The following COG5 variants were observed in gnomAD, a reference collection of about 807,000 sequenced individuals.
COG5 encodes conserved oligomeric Golgi complex subunit 5.
COG5 carries 86 observed loss-of-function variants against 110.4 expected under a neutral mutation model. The ratio of observed to expected loss-of-function variants is 0.78; its 90% CI spans 0.65 to 0.93. The LOEUF is 0.93. Among genes scored for constraint, COG5 ranks in the 40% least tolerant of loss-of-function variants. The probability of loss-of-function intolerance (pLI) is 0.00; values close to 1 mark genes in which losing one functional copy is unlikely to be tolerated. For missense variants in COG5, 1,077 were observed against 987.0 expected, an observed-to-expected ratio of 1.09 and a Z score of -1.22; for synonymous variants, 360 against 334.6, an observed-to-expected ratio of 1.08 and a Z score of -0.83.
chr7:107,208,211 A>C (rs189017923), intron 21 of COG5: 1 of 985,452 alleles, frequency 1.0e-6, no homozygotes, highest in Admixed American at 6.1e-5. Flanking sequence ...TGCTAAGGGC[A>C]TGAAGGTTCT....
At chr7:107,358,449 A>G (rs796273352) in intron 10 of COG5, among the ~76,000 whole-genome samples, 4 of 152,334 alleles carry the variant, frequency 2.6e-5, no homozygotes, top group African/African-American at 9.6e-5. Context: ...TGTTTCTTTC[A>G]CACAATTGAA....
At chr7:107,234,130 C>G (rs184118674) in intron 18 of COG5, among the ~76,000 whole-genome samples, 232 of 152,300 alleles carry the variant, frequency 1.5e-3, no homozygotes, top group Non-Finnish European at 2.0e-3. Flanking sequence ...GAAACTGGGA[C>G]ACACTGTACA....
Position 107,372,094 on chromosome 7 carries a change from T to G in COG5, c.835+501A>C, listed in dbSNP as rs897569767. Among the ~76,000 whole-genome samples, 4 of 152,224 alleles carry G rather than the reference T, an allele frequency of 2.6e-5. No homozygotes were observed. The East Asian group carries it at 7.7e-4, about 29-fold the overall frequency. Reference sequence around the variant, plus strand: ...CCTCTCTACCTTGAATTTACCATCCTTTAATAGTTTTCTTTAGACTTTACT... The same window carrying G: ...CCTCTCTACCTTGAATTTACCATCCGTTAATAGTTTTCTTTAGACTTTACT... On this transcript the variant is annotated intron_variant, in intron 8 of 21. Coordinates refer to ENST00000297135, the MANE Select transcript of COG5 (RefSeq NM_006348.5).
chr7:107,413,836 G>C (rs969293546), intron 6 of COG5, among the ~76,000 whole-genome samples: 1 of 152,056 alleles, frequency 6.6e-6, no homozygotes, highest in Non-Finnish European at 1.5e-5. Flanking sequence ...TAATGCATCT[G>C]TTATTTGTAA....
chr7:107,512,706 C>T (rs373672801), intron 6 of COG5, among the ~76,000 whole-genome samples: 1 of 152,106 alleles, frequency 6.6e-6, no homozygotes, highest in Non-Finnish European at 1.5e-5. Flanking sequence ...GAGGTATAGA[C>T]CAATGGAACA....
chr7:107,312,267 A>G (rs931790264), intron 11 of COG5, among the ~76,000 whole-genome samples: 1 of 152,190 alleles, frequency 6.6e-6, no homozygotes. Flanking sequence ...TAAATATTTA[A>G]CACTTTAGGG....
chr7:107,467,481 C>T lies in COG5; in HGVS notation c.539-54849G>A, dbSNP rs542317889. On this transcript the variant is annotated intron_variant, in intron 6 of 21. Coordinates refer to ENST00000297135, the MANE Select transcript of COG5 (RefSeq NM_006348.5). ...AAGCGATTCTCATTCCTCAACCTCG[C>T]GAGGAGCTGGACTAGAGGCTTGTGC... 3.3e-5 allele frequency among the ~76,000 whole-genome samples: 5 copies of T among 152,184 alleles called. No homozygotes were observed. The East Asian group carries it at 9.7e-4, about 29-fold the overall frequency.
At position 107,295,101 on chromosome 7, in the gene COG5, A is replaced by AT. The variant is rs1186745330; in HGVS notation, c.1313+3040dup. 8.0e-3 allele frequency among the ~76,000 whole-genome samples: 366 copies of AT among 45,534 alleles called. 18 individuals are homozygous for AT. The highest frequency in any genetic ancestry group is 0.016 in the Middle Eastern group (1 of 62). 29.9% of individuals were successfully genotyped at this position (45,534 alleles called of 152,430 possible). A position where few individuals can be genotyped will look rare whatever the true frequency, so the allele number is the denominator to read the frequency against. On this transcript the variant is annotated intron_variant, in intron 12 of 21. Coordinates refer to ENST00000297135, the MANE Select transcript of COG5 (RefSeq NM_006348.5). ...TATATATATATATATATATATATAT[A>AT]TTTTTTTTTTTTTTTTGTAGAGTCA...
chr7:107,202,544 T>C lies in COG5; in HGVS notation c.*972A>G, dbSNP rs1798407181. On this transcript the variant is annotated 3_prime_UTR_variant, in exon 22 of 22. Transcript: ENST00000297135. ...CTTATCTCTGACGTCTACTGATTGA[T>C]TGATTGATTGATTAATCTTGGCTGA... is the stretch of plus-strand genomic sequence containing the variant. 1 of 152,564 alleles carries C rather than the reference T, an allele frequency of 6.6e-6. No homozygotes were observed. Among genetic ancestry groups the C allele is most frequent in the Non-Finnish European group, 1.5e-5 (1 of 68,026 alleles). The allele number at this position is 152,564 out of a possible 1,614,324, so 9.5% of individuals were successfully genotyped here. A position where few individuals can be genotyped will look rare whatever the true frequency, so the allele number is the denominator to read the frequency against.
rs529947618 is a variant in COG5 at position 107,486,698 on chromosome 7, T to C, written c.538+40539A>G. On this transcript the variant is annotated intron_variant, in intron 6 of 21. Transcript: ENST00000297135. ...AAATAGACAAACAACTGAACTGCAA[T>C]AGAAAGTCCATACAAGACTCAAGCA... 3.9e-5 allele frequency among the ~76,000 whole-genome samples: 6 copies of C among 152,204 alleles called. No individual in the cohort carries two copies. In the East Asian group the frequency reaches 5.8e-4, roughly 15 times the overall value.
At chr7:107,321,539 G>A (rs1159629904) in intron 11 of COG5, among the ~76,000 whole-genome samples, 1 of 152,144 alleles carries the variant, frequency 6.6e-6, no homozygotes, top group Non-Finnish European at 1.5e-5. Flanking sequence ...TTTGACTACT[G>A]TGACGAAAAC....
At chr7:107,405,619 C>A (rs1022845926) in intron 7 of COG5, among the ~76,000 whole-genome samples, 3 of 152,196 alleles carry the variant, frequency 2.0e-5, no homozygotes, top group African/African-American at 2.4e-5. Flanking sequence ...CAGTAAATTT[C>A]ATGAACTGAA....
chr7:107,539,427 C>T (rs926999360), intron 5 of COG5, among the ~76,000 whole-genome samples: 1 of 152,118 alleles, frequency 6.6e-6, no homozygotes, highest in African/African-American at 2.4e-5. Context: ...GAAAACATTA[C>T]ATTAAGAAGG....
At chr7:107,385,492 T>G (rs571585771) in intron 7 of COG5, among the ~76,000 whole-genome samples, 1 of 152,304 alleles carries the variant, frequency 6.6e-6, no homozygotes, top group Middle Eastern at 3.4e-3. Flanking sequence ...AAACAAAATA[T>G]AGCATATATA....
At chr7:107,490,425 C>CT (rs921862217) in intron 6 of COG5, among the ~76,000 whole-genome samples, 44 of 151,668 alleles carry the variant, frequency 2.9e-4, no homozygotes, top group Admixed American at 7.9e-4. Context: ...AAAATACCAT[C>CT]TTTTTTTTTC....
At chr7:107,357,102 A>G (rs1812695306) in intron 10 of COG5, among the ~76,000 whole-genome samples, 1 of 152,200 alleles carries the variant, frequency 6.6e-6, no homozygotes, top group South Asian at 2.1e-4. Flanking sequence ...AACTTTTTAT[A>G]AAGGTTCTAT....
chr7:107,314,083 T>C (rs1341692551), intron 11 of COG5, among the ~76,000 whole-genome samples: 1 of 152,112 alleles, frequency 6.6e-6, no homozygotes, highest in East Asian at 1.9e-4. Flanking sequence ...GACTTACAAG[T>C]ACATGCAGCA....
At chr7:107,526,275 T>G (rs1800732191) in intron 6 of COG5, among the ~76,000 whole-genome samples, 1 of 152,124 alleles carries the variant, frequency 6.6e-6, no homozygotes, top group Non-Finnish European at 1.5e-5. Context: ...GAAAAATAAG[T>G]GGGTACCCAG....
intron 11 of COG5, among the ~76,000 whole-genome samples, chr7:107,323,564 C>T (rs566680739): frequency 7.5e-4 from 114 of 152,166 alleles, no homozygotes; most frequent in African/African-American, 2.6e-3. Flanking sequence ...CGAAACACTA[C>T]AACTAAATGG....
Sources: allele counts gnomAD v4.1 joint callset (sites outside exome capture counted in the v4.1 genomes callset), GRCh38; gene constraint gnomAD v4.1.1; transcripts MANE v1.5; gene names NCBI Gene and HGNC (gene_info 2026-07-23, HGNC 2026-07-21).